CSMD1: variants seen among roughly 807,000 people sequenced by gnomAD.
CSMD1 encodes the protein CUB and Sushi multiple domains 1, also known as CUB and sushi domain-containing protein 1.
A neutral mutation model predicts 417.5 loss-of-function variants in CSMD1; 213 were observed. The observed-to-expected ratio is 0.51, with a 90% CI of 0.46 to 0.57. The LOEUF is 0.57. Among genes scored for constraint, CSMD1 ranks in the 20% least tolerant of loss-of-function variants. The probability of loss-of-function intolerance (pLI) is 0.00; values close to 1 mark genes in which losing one functional copy is unlikely to be tolerated. For synonymous variants in CSMD1, 2,862 were observed against 1,736.8 expected (o/e 1.65, Z -16.11); for missense variants, 6,923 against 4,529.7 (o/e 1.53, Z -15.17).
chr8:4,030,246 C>G (rs1797272249), intron 4 of CSMD1, among the ~76,000 whole-genome samples: 1 of 152,134 alleles, frequency 6.6e-6, no homozygotes, highest in East Asian at 1.9e-4. Context: ...GCTCTGACCC[C>G]ACATTTCCCT....
chr8:4,733,921 T>G (rs1810059049), intron 1 of CSMD1, among the ~76,000 whole-genome samples: 1 of 152,152 alleles, frequency 6.6e-6, no homozygotes, highest in South Asian at 2.1e-4. Flanking sequence ...CAGACAAGGA[T>G]AGCATTTATG....
intron 1 of CSMD1, among the ~76,000 whole-genome samples, chr8:4,829,065 T>G (rs1799990118): frequency 6.6e-6 from 1 of 152,200 alleles, no homozygotes; most frequent in East Asian, 1.9e-4. Context: ...TAGGTTACCT[T>G]TCTCCACTAA....
intron 26 of CSMD1, among the ~76,000 whole-genome samples, chr8:3,243,148 G>A (rs147456603): frequency 1.3e-5 from 2 of 152,148 alleles, no homozygotes; most frequent in African/African-American, 4.8e-5. Context: ...AGGGAGGTTG[G>A]AGAAGAGAGT....
chr8:4,839,111 C>A (rs929942425), intron 1 of CSMD1, among the ~76,000 whole-genome samples: 4 of 152,156 alleles, frequency 2.6e-5, no homozygotes, highest in Admixed American at 2.0e-4. Context: ...TTTCCCACCT[C>A]AAACTCCACG....
At chr8:4,169,972 A>G (rs549715315) in intron 3 of CSMD1, among the ~76,000 whole-genome samples, 1 of 150,912 alleles carries the variant, frequency 6.6e-6, no homozygotes, top group Non-Finnish European at 1.5e-5. Context: ...TCCATACTGT[A>G]TCCTTTGTGC....
At chr8:3,920,272 T>G (rs1007371164) in intron 5 of CSMD1, among the ~76,000 whole-genome samples, 1 of 151,976 alleles carries the variant, frequency 6.6e-6, no homozygotes, top group African/African-American at 2.4e-5. Context: ...TGGGCTCAAG[T>G]GATCCACCCA....
intron 6 of CSMD1, among the ~76,000 whole-genome samples, chr8:3,739,323 G>C (rs1414626587): frequency 1.3e-5 from 2 of 152,174 alleles, no homozygotes; most frequent in African/African-American, 2.4e-5. Context: ...GGATGAATCT[G>C]TTCTAGTGTT....
chr8:4,265,052 C>G (rs1358641962), intron 3 of CSMD1, among the ~76,000 whole-genome samples: 1 of 152,082 alleles, frequency 6.6e-6, no homozygotes, highest in Non-Finnish European at 1.5e-5. Flanking sequence ...TCAGATTTGC[C>G]TTGATACAAA....
chr8:3,337,193 C>T (rs1807320605), intron 23 of CSMD1, among the ~76,000 whole-genome samples: 1 of 152,154 alleles, frequency 6.6e-6, no homozygotes, highest in South Asian at 2.1e-4. Context: ...TCGCCCTATC[C>T]CCATCTTCCG....
rs543021123 is a variant in CSMD1 at position 3,539,961 on chromosome 8, G to C, written c.1344+34984C>G. Among the ~76,000 whole-genome samples the C allele has an allele frequency of 3.9e-5, 6 of 152,240 alleles. No homozygotes were observed. The East Asian group carries it at 1.2e-3, about 29-fold the overall frequency. On this transcript the variant is annotated intron_variant, in intron 10 of 69. Coordinates refer to ENST00000635120, the MANE Select transcript of CSMD1 (RefSeq NM_033225.6). ...CTCTGTTTCCCATAAATTGTAGCTAGTTTGAGAAACAGTCTTCTAAAGCCT... is the reference window on the plus strand; with the variant it reads ...CTCTGTTTCCCATAAATTGTAGCTACTTTGAGAAACAGTCTTCTAAAGCCT...
intron 51 of CSMD1, among the ~76,000 whole-genome samples, chr8:3,022,827 C>A (rs1165057930): frequency 6.6e-6 from 1 of 152,104 alleles, no homozygotes; most frequent in African/African-American, 2.4e-5. Context: ...CACGAAGGCA[C>A]TCCGTATAGA....
At chr8:3,155,657 G>A (rs367986181) in intron 39 of CSMD1, among the ~76,000 whole-genome samples, 5 of 151,468 alleles carry the variant, frequency 3.3e-5, no homozygotes, top group South Asian at 2.1e-4. Context: ...GTGAGCCACC[G>A]CGCCCGGTCA....
At chr8:4,294,746 G>A (rs185273932) in intron 3 of CSMD1, among the ~76,000 whole-genome samples, 3 of 151,930 alleles carry the variant, frequency 2.0e-5, no homozygotes, top group Admixed American at 2.0e-4. Flanking sequence ...ACTGTAATTA[G>A]ATGACTTTCT....
chr8:3,567,724 C>T (rs1443210215), intron 10 of CSMD1, among the ~76,000 whole-genome samples: 1 of 152,122 alleles, frequency 6.6e-6, no homozygotes, highest in African/African-American at 2.4e-5. Context: ...ATTTCTGGAA[C>T]GTCCAACCTT....
In CSMD1 at chr8:3,956,515, G is replaced by A. The variant is rs568095541; in HGVS notation, c.818+41388C>T. 9.9e-5 allele frequency among the ~76,000 whole-genome samples: 15 copies of A among 152,240 alleles called. No individual in the cohort carries two copies. The South Asian group carries it at 2.9e-3, about 29-fold the overall frequency. ...GATTGTAGGAAAAATAAAGAGGACA[G>A]GTGGAAACTCAGTAAAAATAATGGC... On this transcript the variant is annotated intron_variant, in intron 5 of 69. Transcript: ENST00000635120.
intron 3 of CSMD1, among the ~76,000 whole-genome samples, chr8:4,256,877 G>A (rs1319638679): frequency 6.6e-6 from 1 of 152,144 alleles, no homozygotes; most frequent in Non-Finnish European, 1.5e-5. Flanking sequence ...GGGGAGAATC[G>A]CTACTGGACG....
chr8:4,716,627 T>G (rs1301622551), intron 1 of CSMD1, among the ~76,000 whole-genome samples: 1 of 152,196 alleles, frequency 6.6e-6, no homozygotes, highest in Non-Finnish European at 1.5e-5. Context: ...AACACAGGTC[T>G]CCCGAATTCC....
chr8:4,425,003 T>G (rs1327610114), intron 2 of CSMD1, among the ~76,000 whole-genome samples: 1 of 152,106 alleles, frequency 6.6e-6, no homozygotes, highest in African/African-American at 2.4e-5. Flanking sequence ...TGCTATTTAA[T>G]AACAAAACAT....
At chr8:4,418,665 A>G (rs1373912624) in intron 3 of CSMD1, among the ~76,000 whole-genome samples, 1 of 152,204 alleles carries the variant, frequency 6.6e-6, no homozygotes, top group Non-Finnish European at 1.5e-5. Flanking sequence ...CAAAAAATGA[A>G]ATGATGTGAA....
Sources: allele counts gnomAD v4.1 joint callset (sites outside exome capture counted in the v4.1 genomes callset), GRCh38; gene constraint gnomAD v4.1.1; transcripts MANE v1.5; gene names NCBI Gene and HGNC (gene_info 2026-07-23, HGNC 2026-07-21).